The following TRPS1 variants were observed in gnomAD, a reference collection of about 807,000 sequenced individuals.
The protein encoded by TRPS1 is zinc finger transcription factor Trps1.
Under a neutral mutation model 101.2 loss-of-function variants are expected in TRPS1, and 6 were observed. The observed-to-expected ratio is 0.06, with a 90% CI of 0.03 to 0.12. TRPS1 has a LOEUF of 0.12. TRPS1 is among the 10% of genes least tolerant of loss of function. The probability of loss-of-function intolerance (pLI) is 1.00; values close to 1 mark genes in which losing one functional copy is unlikely to be tolerated. For synonymous variants in TRPS1, 578 were observed against 589.8 expected, an observed-to-expected ratio of 0.98 and a Z score of 0.29; for missense variants, 1,363 against 1,567.0, an observed-to-expected ratio of 0.87 and a Z score of 2.20.
intron 5 of TRPS1, among the ~76,000 whole-genome samples, chr8:115,466,908 A>T (rs79265000): frequency 6.9e-6 from 1 of 145,656 alleles, no homozygotes; most frequent in African/African-American, 2.5e-5. Context: ...TTTTGCCATT[A>T]AAAAAAAAAA....
At chr8:115,434,291 T>C (rs557195224) in intron 5 of TRPS1, among the ~76,000 whole-genome samples, 156 of 152,308 alleles carry the variant, frequency 1.0e-3, no homozygotes, top group South Asian at 6.8e-3. Flanking sequence ...CTGAAATTCA[T>C]ATTTCAAAAC....
intron 5 of TRPS1, among the ~76,000 whole-genome samples, chr8:115,548,677 C>T (rs767707712): frequency 3.9e-5 from 6 of 152,174 alleles, no homozygotes; most frequent in Non-Finnish European, 5.9e-5. Context: ...CACATTAAAA[C>T]CTTTAACATT....
At chr8:115,652,789 G>C (rs1239608393) in intron 1 of TRPS1, among the ~76,000 whole-genome samples, 2 of 152,158 alleles carry the variant, frequency 1.3e-5, no homozygotes, top group South Asian at 4.1e-4. Context: ...AAATATCCAC[G>C]ATAGTCTGTG....
intron 5 of TRPS1, among the ~76,000 whole-genome samples, chr8:115,495,240 T>C (rs1295449630): frequency 2.6e-5 from 4 of 152,102 alleles, no homozygotes; most frequent in African/African-American, 9.7e-5. Context: ...CCTCTTTAAA[T>C]TCGTTTTATA....
chr8:115,626,516 C>T, intron 1 of TRPS1, among the ~76,000 whole-genome samples: 1 of 151,676 alleles, frequency 6.6e-6, no homozygotes, highest in Middle Eastern at 3.2e-3. Flanking sequence ...ATGTCAGATC[C>T]TGTTCTTTCC....
At chr8:115,508,417 G>A (rs551938063) in intron 5 of TRPS1, among the ~76,000 whole-genome samples, 2 of 152,134 alleles carry the variant, frequency 1.3e-5, no homozygotes, top group South Asian at 4.1e-4. Flanking sequence ...AAATATTGTC[G>A]TAGTACTGTC....
intron 5 of TRPS1, among the ~76,000 whole-genome samples, chr8:115,498,785 T>C (rs950098386): frequency 6.6e-6 from 1 of 152,070 alleles, no homozygotes; most frequent in Non-Finnish European, 1.5e-5. Flanking sequence ...GTGTTATAAA[T>C]ACACTTTTGT....
intron 1 of TRPS1, among the ~76,000 whole-genome samples, chr8:115,652,150 G>A (rs1811573574): frequency 6.6e-6 from 1 of 152,144 alleles, no homozygotes; most frequent in African/African-American, 2.4e-5. Context: ...TAGAAGCCAA[G>A]CCAGAAGAGA....
intron 5 of TRPS1, among the ~76,000 whole-genome samples, chr8:115,479,307 T>G (rs2130055834): frequency 6.6e-6 from 1 of 152,282 alleles, no homozygotes; most frequent in East Asian, 1.9e-4. Context: ...AGGAAAGACA[T>G]TAACTACAAT....
intron 5 of TRPS1, among the ~76,000 whole-genome samples, chr8:115,435,863 G>A (rs567103663): frequency 4.7e-4 from 72 of 152,188 alleles, no homozygotes; most frequent in African/African-American, 1.7e-3. Flanking sequence ...TGCCTTTGAA[G>A]TGTTTATAAT....
At chr8:115,616,836 T>G (rs1818286436) in intron 3 of TRPS1, among the ~76,000 whole-genome samples, 1 of 152,176 alleles carries the variant, frequency 6.6e-6, no homozygotes, top group South Asian at 2.1e-4. Context: ...CTCCACGAAG[T>G]TTAACCACCA....
At chr8:115,659,893 T>C (rs1393064719) in intron 1 of TRPS1, among the ~76,000 whole-genome samples, 5 of 151,998 alleles carry the variant, frequency 3.3e-5, no homozygotes, top group Admixed American at 3.3e-4. Flanking sequence ...ACTAAAGTCA[T>C]TTCAAAAAAT....
rs80151312 is a variant in TRPS1, at chr8:115,590,961, C to CA, written c.2097-3358dup. 6.1e-3 allele frequency among the ~76,000 whole-genome samples: 815 copies of CA among 133,056 alleles called. 3 individuals are homozygous for CA. The highest frequency in any genetic ancestry group is 7.0e-3 in the Non-Finnish European group (426 of 61,010). 87.3% of individuals were successfully genotyped at this position (133,056 alleles called of 152,430 possible). On this transcript the variant is annotated intron_variant, in intron 4 of 6. Coordinates refer to ENST00000395715, the MANE Select transcript of TRPS1 (RefSeq NM_014112.5). ...TTCCCCCATGTACCTTAACCATGACCAAAAAAAAAAAACATTTTTAAAACC... is the reference window on the plus strand; with the variant it reads ...TTCCCCCATGTACCTTAACCATGACCAAAAAAAAAAAAACATTTTTAAAACC...
chr8:115,420,988 CT>C (rs145159726), intron 5 of TRPS1, among the ~76,000 whole-genome samples: 1,671 of 138,302 alleles, frequency 0.012, 21 homozygotes, highest in African/African-American at 0.033. Context: ...TACTGTGATT[CT>C]TTTTTTTTTT....
At chr8:115,527,009 T>C (rs1016236204) in intron 5 of TRPS1, among the ~76,000 whole-genome samples, 1 of 152,164 alleles carries the variant, frequency 6.6e-6, no homozygotes, top group Admixed American at 6.5e-5. Context: ...TGTGTTTCTT[T>C]CAAGGGCCCA....
At chr8:115,562,467 A>T in intron 5 of TRPS1, among the ~76,000 whole-genome samples, 1 of 151,902 alleles carries the variant, frequency 6.6e-6, no homozygotes, top group East Asian at 1.9e-4. Context: ...TCTTTTCCAA[A>T]ATAATCCAAA....
At chr8:115,483,915 G>A (rs1659662155) in intron 5 of TRPS1, among the ~76,000 whole-genome samples, 1 of 152,090 alleles carries the variant, frequency 6.6e-6, no homozygotes, top group African/African-American at 2.4e-5. Context: ...TCTCCAGACA[G>A]GATACTACAG....
intron 1 of TRPS1, among the ~76,000 whole-genome samples, chr8:115,631,511 A>C (rs943227902): frequency 2.9e-4 from 44 of 152,178 alleles, no homozygotes; most frequent in African/African-American, 9.9e-4. Context: ...TTGCAGAGGA[A>C]TAAAGTATAA....
chr8:115,582,306 G>A (rs1212413983), intron 5 of TRPS1, among the ~76,000 whole-genome samples: 1 of 152,088 alleles, frequency 6.6e-6, no homozygotes, highest in Non-Finnish European at 1.5e-5. Context: ...GGTTGTAAAG[G>A]CATTCAACAT....
Sources: gnomAD v4.1 joint callset for allele counts (sites outside exome capture counted in the v4.1 genomes callset) on GRCh38, gnomAD v4.1.1 for gene constraint, MANE v1.5 for transcripts, NCBI Gene and HGNC (gene_info 2026-07-23, HGNC 2026-07-21) for gene names.